Variants in MAPK10 observed in about 807,000 individuals in gnomAD.
MAPK10 encodes the protein JNK3 alpha protein kinase.
MAPK10 carries 25 observed loss-of-function variants against 59.3 expected under a neutral mutation model. The observed-to-expected ratio is 0.42, with a 90% CI of 0.31 to 0.59. MAPK10 has a LOEUF of 0.59. Ranked by LOEUF, MAPK10 falls within the 20% of genes least tolerant of loss-of-function variation. The probability of loss-of-function intolerance (pLI) is 0.15; values close to 1 mark genes in which losing one functional copy is unlikely to be tolerated. For missense variants in MAPK10, 351 were observed against 568.9 expected, an observed-to-expected ratio of 0.62 and a Z score of 3.90; for synonymous variants, 190 against 200.5, an observed-to-expected ratio of 0.95 and a Z score of 0.44.
In MAPK10 at chr4:86,476,272, C is replaced by T. The variant is rs148915040; in HGVS notation, c.-263+117638G>A. Among the ~76,000 whole-genome samples the T allele has an allele frequency of 3.7e-3, 569 of 152,220 alleles. 3 individuals are homozygous for T. Among genetic ancestry groups the T allele is most frequent in the African/African-American group, 0.013 (547 of 41,550 alleles). On this transcript the variant is annotated intron_variant, in intron 1 of 4. Transcript: ENST00000502302. ...GGTCCCAATTCTTCCTCAGCTTCTG[C>T]TCCCCCACCCTATAATCCTTTTATC... is the stretch of plus-strand genomic sequence containing the variant.
intron 2 of MAPK10, among the ~76,000 whole-genome samples, chr4:86,256,445 C>G (rs1184283172): frequency 6.6e-6 from 1 of 152,064 alleles, no homozygotes; most frequent in Non-Finnish European, 1.5e-5. Flanking sequence ...ACCAAAATTA[C>G]CAACATTCTC....
intron 2 of MAPK10, among the ~76,000 whole-genome samples, chr4:86,235,415 G>A (rs559107812): frequency 3.3e-5 from 5 of 152,264 alleles, no homozygotes; most frequent in South Asian, 2.1e-4. Flanking sequence ...TGCTATCTCC[G>A]GATCTGGGTG....
chr4:86,383,779 G>T (rs1317202650), intron 1 of MAPK10, among the ~76,000 whole-genome samples: 1 of 151,946 alleles, frequency 6.6e-6, no homozygotes, highest in African/African-American at 2.4e-5. Context: ...CTTTCTAAAA[G>T]AATTAAATAC....
chr4:86,279,264 T>C (rs2094703954), intron 2 of MAPK10, among the ~76,000 whole-genome samples: 1 of 152,180 alleles, frequency 6.6e-6, no homozygotes, highest in South Asian at 2.1e-4. Flanking sequence ...CTTATTGATT[T>C]GTTGTTTTCT....
At chr4:86,525,102 C>T (rs1288123978) in intron 1 of MAPK10, among the ~76,000 whole-genome samples, 2 of 152,000 alleles carry the variant, frequency 1.3e-5, no homozygotes, top group Non-Finnish European at 2.9e-5. Context: ...TCGAGACCAG[C>T]CTGGGCAACA....
intron 4 of MAPK10, among the ~76,000 whole-genome samples, chr4:86,146,478 G>T (rs924464768): frequency 1.3e-5 from 2 of 152,080 alleles, no homozygotes; most frequent in African/African-American, 2.4e-5. Flanking sequence ...CTTTTCTTGG[G>T]CACACAGCTC....
chr4:86,270,639 C>T (rs1378507044), intron 2 of MAPK10, among the ~76,000 whole-genome samples: 1 of 151,904 alleles, frequency 6.6e-6, no homozygotes, highest in African/African-American at 2.4e-5. Context: ...GTAGAATATC[C>T]CAGATGTTAA....
intron 1 of MAPK10, among the ~76,000 whole-genome samples, chr4:86,436,890 G>A (rs1370209817): frequency 6.6e-6 from 1 of 152,064 alleles, no homozygotes; most frequent in East Asian, 1.9e-4. Context: ...GCTTACATCA[G>A]AGAAAAAGTT....
chr4:86,262,423 A>C (rs2094028937), intron 2 of MAPK10, among the ~76,000 whole-genome samples: 1 of 152,206 alleles, frequency 6.6e-6, no homozygotes, highest in South Asian at 2.1e-4. Flanking sequence ...AAAGCAGACT[A>C]AGAACCTAAA....
At chr4:86,548,187 G>A (rs190318075) in intron 1 of MAPK10, among the ~76,000 whole-genome samples, 2 of 152,150 alleles carry the variant, frequency 1.3e-5, no homozygotes, top group Admixed American at 6.5e-5. Flanking sequence ...GCGAGACCAC[G>A]AACCCACCGG....
intron 2 of MAPK10, among the ~76,000 whole-genome samples, chr4:86,206,873 A>G (rs1181867689): frequency 2.0e-5 from 3 of 151,996 alleles, no homozygotes; most frequent in South Asian, 2.1e-4. Context: ...CATATCCTTC[A>G]CCCACTTTTT....
intron 1 of MAPK10, among the ~76,000 whole-genome samples, chr4:86,448,857 T>G (rs1479061405): frequency 6.6e-6 from 1 of 152,220 alleles, no homozygotes; most frequent in East Asian, 1.9e-4. Flanking sequence ...GAGCTTGTTT[T>G]CCTGCAACTA....
intron 2 of MAPK10, among the ~76,000 whole-genome samples, chr4:86,346,893 CAT>C (rs934829439): frequency 4.2e-4 from 64 of 151,898 alleles, no homozygotes; most frequent in African/African-American, 1.3e-3. Context: ...TATATGTACT[CAT>C]GTGTGTGCAC....
chr4:86,026,116 A>G lies in MAPK10; in HGVS notation c.1252+3081T>C, dbSNP rs532141546. Among the ~76,000 whole-genome samples the G allele has an allele frequency of 1.2e-4, 18 of 152,256 alleles. No individual in the cohort carries two copies. The South Asian group carries it at 3.7e-3, about 32-fold the overall frequency. Reference sequence around the variant, plus strand: ...CATATTAAAATCACCCAGAAGCTTTATCTTTGATTTAGAGATTTTGAAAAA... The same window carrying G: ...CATATTAAAATCACCCAGAAGCTTTGTCTTTGATTTAGAGATTTTGAAAAA... On this transcript the variant is annotated intron_variant, in intron 13 of 13. Coordinates refer to ENST00000641462, the MANE Select transcript of MAPK10 (RefSeq NM_138982.4).
At chr4:86,563,047 C>T (rs1760797957) in intron 1 of MAPK10, among the ~76,000 whole-genome samples, 2 of 152,144 alleles carry the variant, frequency 1.3e-5, no homozygotes, top group Non-Finnish European at 2.9e-5. Flanking sequence ...CTTACAAGCA[C>T]ATAAAAACTC....
At chr4:86,393,995 GC>G (rs955556670) in intron 1 of MAPK10, among the ~76,000 whole-genome samples, 1 of 152,208 alleles carries the variant, frequency 6.6e-6, no homozygotes, top group African/African-American at 2.4e-5. Flanking sequence ...TAGGGGCTGG[GC>G]GTGGTGGCTC....
At chr4:86,280,116 C>T (rs1158749259) in intron 2 of MAPK10, among the ~76,000 whole-genome samples, 3 of 152,008 alleles carry the variant, frequency 2.0e-5, no homozygotes, top group African/African-American at 7.2e-5. Flanking sequence ...CAAGTGGGAC[C>T]TAATTAAAGA....
chr4:86,403,393 G>A (rs1051472460), intron 1 of MAPK10, among the ~76,000 whole-genome samples: 28 of 152,112 alleles, frequency 1.8e-4, no homozygotes, highest in African/African-American at 6.0e-4. Context: ...GCACCTGCCT[G>A]TAATTCCAGC....
intron 1 of MAPK10, among the ~76,000 whole-genome samples, chr4:86,563,593 T>C (rs915481901): frequency 5.9e-5 from 9 of 152,194 alleles, no homozygotes; most frequent in Admixed American, 5.9e-4. Context: ...CCATTTGTCC[T>C]TGGGAGATAC....
Sources: gnomAD v4.1 joint callset for allele counts (sites outside exome capture counted in the v4.1 genomes callset) on GRCh38, gnomAD v4.1.1 for gene constraint, MANE v1.5 for transcripts, NCBI Gene and HGNC (gene_info 2026-07-23, HGNC 2026-07-21) for gene names.